The following USP14 variants were observed in gnomAD, a reference collection of about 807,000 sequenced individuals.
USP14 encodes ubiquitin specific peptidase 14, also known as ubiquitin carboxyl-terminal hydrolase 14.
Under a neutral mutation model 76.5 loss-of-function variants are expected in USP14, and 38 were observed. The ratio of observed to expected loss-of-function variants is 0.50; its 90% CI spans 0.38 to 0.65. USP14 has a LOEUF of 0.65. Among genes scored for constraint, USP14 ranks in the 30% least tolerant of loss-of-function variants. The probability of loss-of-function intolerance (pLI) is 0.00; values close to 1 mark genes in which losing one functional copy is unlikely to be tolerated. For missense variants in USP14, 467 were observed against 586.5 expected, an observed-to-expected ratio of 0.80 and a Z score of 2.10; for synonymous variants, 192 against 191.7, an observed-to-expected ratio of 1.00 and a Z score of -0.01.
intron 6 of USP14, among the ~76,000 whole-genome samples, chr18:196,262 G>A (rs1264193048): frequency 1.3e-5 from 2 of 150,922 alleles, no homozygotes; most frequent in South Asian, 2.2e-4. Flanking sequence ...TCAGCCTCCC[G>A]AATAGCTGGG....
intron 1 of USP14, among the ~76,000 whole-genome samples, chr18:160,804 A>G (rs937894774): frequency 6.6e-6 from 1 of 152,212 alleles, no homozygotes; most frequent in African/African-American, 2.4e-5. Context: ...GCCTTCTTCA[A>G]GCCTGATTTC....
intron 7 of USP14, among the ~76,000 whole-genome samples, chr18:197,064 C>T (rs1419227419): frequency 1.3e-5 from 2 of 152,184 alleles, no homozygotes; most frequent in Non-Finnish European, 1.5e-5. Flanking sequence ...ATCCTCTAGC[C>T]CCTGGCTTTC....
chr18:197,746 T>C (rs774420933), intron 8 of USP14, 50 bp downstream of exon 8: 1 of 1,433,282 alleles, frequency 7.0e-7, no homozygotes, highest in South Asian at 1.2e-5. Flanking sequence ...CCTTGATTTT[T>C]TTTTTTATTT....
At position 214,439 on chromosome 18, in the gene USP14, T is replaced by C; in HGVS notation, c.*3155T>C. 1.8e-6 allele frequency: 1 copy of C among 562,780 alleles called. No homozygotes were observed. The highest frequency in any genetic ancestry group is 3.1e-6 in the Non-Finnish European group (1 of 322,146). The allele number at this position is 562,780 out of a possible 1,614,324, so 34.9% of individuals were successfully genotyped here. On this transcript the variant is annotated 3_prime_UTR_variant, in exon 16 of 16. Coordinates refer to ENST00000261601, the MANE Select transcript of USP14 (RefSeq NM_005151.4). ...TGAGGTCACTTCGTTTAGGTCATTA[T>C]CTCAACCCAACCTCCCCAAACTCTG...
chr18:182,430 GAGA>G (rs1315821465), intron 5 of USP14, among the ~76,000 whole-genome samples: 2 of 152,198 alleles, frequency 1.3e-5, no homozygotes, highest in African/African-American at 2.4e-5. Flanking sequence ...AGAGAAGGGA[GAGA>G]AGGAGTGTGC....
intron 3 of USP14, among the ~76,000 whole-genome samples, chr18:174,088 A>G (rs72856233): frequency 0.21 from 31,778 of 151,916 alleles, 3,833 homozygotes; most frequent in South Asian, 0.28. Context: ...CATTTTCTCC[A>G]TAAGAGTCTG....
chr18:204,904 C>CTT (rs775473299), intron 13 of USP14, among the ~76,000 whole-genome samples: 6 of 144,266 alleles, frequency 4.2e-5, no homozygotes, highest in African/African-American at 5.1e-5. Flanking sequence ...TTTTATTTTC[C>CTT]TTTTTTTTTT....
intron 3 of USP14, among the ~76,000 whole-genome samples, chr18:168,247 A>C (rs73364303): frequency 1.3e-5 from 2 of 151,794 alleles, no homozygotes; most frequent in Non-Finnish European, 2.9e-5. Flanking sequence ...GATTTTTCTA[A>C]GTTTATTTTC....
chr18:181,425 A>G (rs1464691519), intron 5 of USP14, among the ~76,000 whole-genome samples: 1 of 152,176 alleles, frequency 6.6e-6, no homozygotes, highest in African/African-American at 2.4e-5. Flanking sequence ...TTTAGTGGCT[A>G]ATGATGTTGG....
At chr18:167,931 TCTC>T (rs1909321297) in intron 3 of USP14, among the ~76,000 whole-genome samples, 2 of 143,588 alleles carry the variant, frequency 1.4e-5, no homozygotes, top group African/African-American at 2.5e-5. Context: ...TTGATTTTTC[TCTC>T]TTTTTTTTTT....
chr18:213,913 T>A lies in USP14; in HGVS notation c.*2629T>A, dbSNP rs1347672296. On this transcript the variant is annotated 3_prime_UTR_variant, in exon 16 of 16. Transcript: ENST00000261601. ...AAGGCTAGAAGGAAAAGTGAGGTTT[T>A]AGACTTCATTTCTTTTAAAGTTGGC... The A allele has an allele frequency of 6.6e-6, 1 of 152,226 alleles. No individual in the cohort carries two copies. Among genetic ancestry groups the A allele is most frequent in the African/African-American group, 2.4e-5 (1 of 41,458 alleles). 9.4% of individuals were successfully genotyped at this position (152,226 alleles called of 1,614,324 possible).
chr18:209,880 C>T (rs1193725234), intron 13 of USP14, 91 bp from the exon 14 acceptor site: 4 of 943,604 alleles, frequency 4.2e-6, no homozygotes, highest in Non-Finnish European at 6.4e-6. Flanking sequence ...GCACTGTAGA[C>T]AGTAAATATT....
chr18:173,310 A>T (rs1451782637), intron 3 of USP14, among the ~76,000 whole-genome samples: 3 of 151,070 alleles, frequency 2.0e-5, no homozygotes, highest in African/African-American at 7.3e-5. Context: ...ACGGGGTTTC[A>T]CCATGTTAGC....
rs571074082 is a variant in USP14 at position 179,977 on chromosome 18, A to G, written c.301-259A>G. 3.9e-5 allele frequency among the ~76,000 whole-genome samples: 6 copies of G among 152,226 alleles called. No individual in the cohort carries two copies. In the South Asian group the frequency reaches 8.3e-4, roughly 21 times the overall value. On this transcript the variant is annotated intron_variant, in intron 4 of 15. Coordinates refer to ENST00000261601, the MANE Select transcript of USP14 (RefSeq NM_005151.4). ...TCTTCTCTTGATAAACCTGCAAAAA[A>G]GGCAAGACTAGTATGATTATTCTCT...
chr18:164,427 C>T (rs1909210429), intron 2 of USP14, among the ~76,000 whole-genome samples: 1 of 151,276 alleles, frequency 6.6e-6, no homozygotes, highest in Admixed American at 6.6e-5. Context: ...GCCTTTATTG[C>T]ATCCTACCCA....
chr18:167,598 C>T (rs970013633), intron 3 of USP14, among the ~76,000 whole-genome samples: 10 of 152,058 alleles, frequency 6.6e-5, no homozygotes, highest in African/African-American at 2.4e-4. Flanking sequence ...TTTAAACTCC[C>T]AGCCTCAAGC....
chr18:181,807 C>T (rs879281194), intron 5 of USP14, among the ~76,000 whole-genome samples: 2 of 151,932 alleles, frequency 1.3e-5, no homozygotes, highest in Non-Finnish European at 2.9e-5. Flanking sequence ...TTGTCTAATT[C>T]TAGGTTACAA....
At chr18:179,876 C>G (rs1042356265) in intron 4 of USP14, among the ~76,000 whole-genome samples, 1 of 151,444 alleles carries the variant, frequency 6.6e-6, no homozygotes, top group African/African-American at 2.4e-5. Context: ...GCTGGGATTA[C>G]AGGTGTGAGC....
intron 10 of USP14, among the ~76,000 whole-genome samples, chr18:200,630 A>G (rs1910359991): frequency 6.6e-6 from 1 of 152,180 alleles, no homozygotes; most frequent in African/African-American, 2.4e-5. Flanking sequence ...TGGATAAAAC[A>G]TACGGTTTTG....
Sources: allele counts gnomAD v4.1 joint callset (sites outside exome capture counted in the v4.1 genomes callset), GRCh38; gene constraint gnomAD v4.1.1; transcripts MANE v1.5; gene names NCBI Gene and HGNC (gene_info 2026-07-23, HGNC 2026-07-21).